PTCHD4: variants seen among roughly 807,000 people sequenced by gnomAD.
PTCHD4 encodes patched domain containing 4, also known as patched domain-containing protein 4.
A neutral mutation model predicts 58.1 loss-of-function variants in PTCHD4; 33 were observed. That is an observed-to-expected ratio of 0.57 (90% confidence interval 0.43 to 0.76). The LOEUF is 0.76. Ranked by LOEUF, PTCHD4 falls within the 30% of genes least tolerant of loss-of-function variation. The probability of loss-of-function intolerance (pLI) is 0.00; values close to 1 mark genes in which losing one functional copy is unlikely to be tolerated. For synonymous variants in PTCHD4, 478 were observed against 409.6 expected (o/e 1.17, Z -2.02); for missense variants, 1,058 against 1,027.1 (o/e 1.03, Z -0.41).
intron 4 of PTCHD4, among the ~76,000 whole-genome samples, chr6:47,970,869 A>C (rs1767481497): frequency 6.6e-6 from 1 of 152,208 alleles, no homozygotes. Context: ...GAAAACATCC[A>C]AGTGTGGGGC....
chr6:48,044,940 T>G (rs907869257), intron 3 of PTCHD4, among the ~76,000 whole-genome samples: 1 of 151,878 alleles, frequency 6.6e-6, no homozygotes, highest in Non-Finnish European at 1.5e-5. Flanking sequence ...TATATCTTAG[T>G]GTTTCCACAT....
At chr6:47,928,138 G>T (rs931841174) in intron 4 of PTCHD4, among the ~76,000 whole-genome samples, 4 of 152,022 alleles carry the variant, frequency 2.6e-5, no homozygotes, top group African/African-American at 9.7e-5. Flanking sequence ...CTGGACTATT[G>T]CTTTTTCCAA....
At chr6:47,900,980 C>T (rs1293813564) in intron 4 of PTCHD4, 7 of 151,338 alleles carry the variant, frequency 4.6e-5, no homozygotes, top group African/African-American at 1.7e-4. Context: ...AGGTGAAACC[C>T]CGTCTCTACT....
At position 47,862,968 on chromosome 6, in the gene PTCHD4, T is replaced by C. The variant is rs1255186479; in HGVS notation, c.*15335A>G. On this transcript the variant is annotated 3_prime_UTR_variant, in exon 5 of 5. Coordinates refer to ENST00000339488, the MANE Select transcript of PTCHD4 (RefSeq NM_001384253.1). ...GCTACTGGAACATTAATTTCACACA[T>C]TGAGGGTAATTCAAAGAATAGGCTT... Among the ~76,000 whole-genome samples the C allele has an allele frequency of 6.6e-6, 1 of 151,884 alleles. No homozygotes were observed.
Position 48,069,597 on chromosome 6 carries a change from G to A in PTCHD4, c.-640C>T, listed in dbSNP as rs150899283. On this transcript the variant is annotated 5_prime_UTR_variant, in exon 2 of 5. Coordinates refer to ENST00000339488, the MANE Select transcript of PTCHD4 (RefSeq NM_001384253.1). ...ACTCCATCTATCCCTGGTGCGTTGGGACCGTCTGGATAGCTTCTTTCCTCT... is the reference window on the plus strand; with the variant it reads ...ACTCCATCTATCCCTGGTGCGTTGGAACCGTCTGGATAGCTTCTTTCCTCT... Among the ~76,000 whole-genome samples the A allele has an allele frequency of 2.1e-3, 320 of 152,308 alleles. 1 individual carries two copies. Among genetic ancestry groups the A allele is most frequent in the African/African-American group, 6.5e-3 (271 of 41,580 alleles).
At chr6:48,089,107 A>G (rs942996896) in intron 1 of PTCHD4, among the ~76,000 whole-genome samples, 6 of 152,182 alleles carry the variant, frequency 3.9e-5, no homozygotes, top group Admixed American at 1.3e-4. Flanking sequence ...AAGCTTTCCT[A>G]TGTTGAAGAC....
intron 3 of PTCHD4, among the ~76,000 whole-genome samples, chr6:48,013,351 C>A (rs1388871973): frequency 6.8e-6 from 1 of 147,764 alleles, no homozygotes; most frequent in Admixed American, 6.8e-5. Context: ...TCTAAAGGAA[C>A]AATCCAATAA....
intron 3 of PTCHD4, among the ~76,000 whole-genome samples, chr6:48,057,648 A>G (rs1192528191): frequency 6.6e-6 from 1 of 152,216 alleles, no homozygotes; most frequent in Non-Finnish European, 1.5e-5. Context: ...ACTGTGCAAT[A>G]AATTCCAAGC....
At chr6:48,014,342 C>T (rs1197309282) in intron 3 of PTCHD4, among the ~76,000 whole-genome samples, 1 of 152,106 alleles carries the variant, frequency 6.6e-6, no homozygotes, top group Non-Finnish European at 1.5e-5. Flanking sequence ...AACTCACCAG[C>T]TCACAGATGC....
In PTCHD4 at chr6:47,859,365, A is replaced by G. The variant is rs537119650; in HGVS notation, c.*18938T>C. 2.3e-3 allele frequency among the ~76,000 whole-genome samples: 356 copies of G among 152,150 alleles called. 7 individuals carry two copies. Among genetic ancestry groups the G allele is most frequent in the Non-Finnish European group, 1.0e-3 (69 of 67,970 alleles). ...TAAGCTACTGATAAATATTTAAGGG[A>G]GTGCAGGGGTAGATGTTAATATTAC... On this transcript the variant is annotated 3_prime_UTR_variant, in exon 5 of 5. Transcript: ENST00000339488.
At chr6:47,986,219 C>T (rs1020935841) in intron 4 of PTCHD4, among the ~76,000 whole-genome samples, 1 of 152,028 alleles carries the variant, frequency 6.6e-6, no homozygotes, top group African/African-American at 2.4e-5. Context: ...CTGATATGAC[C>T]TTCAGCCAAT....
chr6:47,887,483 C>T (rs1399458752), intron 4 of PTCHD4, among the ~76,000 whole-genome samples: 3 of 152,098 alleles, frequency 2.0e-5, no homozygotes, highest in African/African-American at 4.8e-5. Context: ...CTCCCATTTC[C>T]TCCTCTGTTC....
rs1197851057 is a variant in PTCHD4, at chr6:47,985,872, T to A, written c.898+22762A>T. On this transcript the variant is annotated intron_variant, in intron 4 of 4. Transcript: ENST00000339488. ...TTTGCTCTTTTTGACTTGTTTGGTT[T>A]TTCAACATCTAAATTATTTTTGAAT... is the stretch of plus-strand genomic sequence containing the variant. 2.0e-5 allele frequency among the ~76,000 whole-genome samples: 3 copies of A among 152,042 alleles called. No homozygotes were observed. The East Asian group carries it at 5.8e-4, about 29-fold the overall frequency.
At chr6:48,036,656 C>A (rs1463388022) in intron 3 of PTCHD4, among the ~76,000 whole-genome samples, 4 of 152,050 alleles carry the variant, frequency 2.6e-5, no homozygotes, top group African/African-American at 7.2e-5. Flanking sequence ...CCTCAAAACA[C>A]AAGAGTAGGG....
chr6:47,894,724 A>G (rs1043521976), intron 4 of PTCHD4, among the ~76,000 whole-genome samples: 4 of 152,262 alleles, frequency 2.6e-5, no homozygotes, highest in African/African-American at 9.6e-5. Context: ...CAATCATGAT[A>G]ACATGCCAGA....
At chr6:48,035,325 A>G (rs1763593590) in intron 3 of PTCHD4, among the ~76,000 whole-genome samples, 1 of 152,114 alleles carries the variant, frequency 6.6e-6, no homozygotes, top group African/African-American at 2.4e-5. Context: ...CTTCCAGAAG[A>G]TTCTGGTATT....
intron 4 of PTCHD4, among the ~76,000 whole-genome samples, chr6:47,933,362 G>T (rs1581898819): frequency 6.6e-6 from 1 of 152,222 alleles, no homozygotes; most frequent in African/African-American, 2.4e-5. Flanking sequence ...AGAATTAAAA[G>T]TTTTTTCAAG....
At chr6:47,979,061 G>T (rs1184439004) in intron 4 of PTCHD4, among the ~76,000 whole-genome samples, 1 of 152,054 alleles carries the variant, frequency 6.6e-6, no homozygotes, top group African/African-American at 2.4e-5. Flanking sequence ...CCTGGTGAAA[G>T]AAGCCTTCTA....
intron 4 of PTCHD4, among the ~76,000 whole-genome samples, chr6:47,968,562 C>T (rs1377576212): frequency 2.0e-5 from 3 of 152,118 alleles, no homozygotes; most frequent in Admixed American, 2.0e-4. Context: ...ACAAGATATG[C>T]CTGGATTTGT....
Sources: gnomAD v4.1 joint callset for allele counts (sites outside exome capture counted in the v4.1 genomes callset) on GRCh38, gnomAD v4.1.1 for gene constraint, MANE v1.5 for transcripts, NCBI Gene and HGNC (gene_info 2026-07-23, HGNC 2026-07-21) for gene names.